Variants in STARD13 observed in about 807,000 individuals in gnomAD.
The protein encoded by STARD13 is StAR related lipid transfer domain containing 13, also known as stAR-related lipid transfer protein 13.
STARD13 carries 62 observed loss-of-function variants against 106.4 expected under a neutral mutation model. That is an observed-to-expected ratio of 0.58 (90% confidence interval 0.48 to 0.72). STARD13 has a LOEUF of 0.72. Ranked by LOEUF, STARD13 falls within the 30% of genes least tolerant of loss-of-function variation. STARD13 has a pLI of 0.00. For synonymous variants in STARD13, 565 were observed against 553.0 expected (o/e 1.02, Z -0.31); for missense variants, 1,387 against 1,424.0 (o/e 0.97, Z 0.42).
At chr13:33,212,005 T>C (rs748415278) in intron 1 of STARD13, among the ~76,000 whole-genome samples, 15 of 152,220 alleles carry the variant, frequency 9.9e-5, no homozygotes, top group Non-Finnish European at 2.1e-4. Flanking sequence ...ACTCTGTTCA[T>C]TGGACAATAT....
At chr13:33,302,378 C>G (rs1892754425) in intron 1 of STARD13, among the ~76,000 whole-genome samples, 1 of 152,152 alleles carries the variant, frequency 6.6e-6, no homozygotes, top group Admixed American at 6.5e-5. Context: ...ATACATATAT[C>G]TCACCTAATT....
intron 1 of STARD13, among the ~76,000 whole-genome samples, chr13:33,311,490 T>G (rs1893136409): frequency 6.6e-6 from 1 of 152,224 alleles, no homozygotes; most frequent in Non-Finnish European, 1.5e-5. Flanking sequence ...GCTGTGCTCT[T>G]GGGAAGCCTA....
intron 6 of STARD13, among the ~76,000 whole-genome samples, chr13:33,126,613 T>C (rs2138147556): frequency 6.6e-6 from 1 of 152,142 alleles, no homozygotes; most frequent in East Asian, 1.9e-4. Flanking sequence ...CTGGCTGGGG[T>C]TGGAGGAAAA....
rs147233343 is a variant in STARD13 at position 33,169,487 on chromosome 13, C to T, written c.170-1865G>A. Among the ~76,000 whole-genome samples the T allele has an allele frequency of 2.0e-3, 312 of 152,308 alleles. 2 individuals carry two copies. The highest frequency in any genetic ancestry group is 6.5e-3 in the African/African-American group (269 of 41,566). On this transcript the variant is annotated intron_variant, in intron 1 of 13. Transcript: ENST00000336934. ...TAATAGATTTTCAAGCTCAGATTTG[C>T]TTCCCGCTCCCATATAATACAGCGG...
the STARD13 span, among the ~76,000 whole-genome samples, chr13:33,399,368 A>G: frequency 6.6e-6 from 1 of 151,998 alleles, no homozygotes; most frequent in East Asian, 1.9e-4. Context: ...AAGGGTACAA[A>G]CTTTTTTAAA....
chr13:33,628,188 CA>C, the STARD13 span, among the ~76,000 whole-genome samples: 3,661 of 141,614 alleles, frequency 0.026, 64 homozygotes, highest in African/African-American at 0.049. Flanking sequence ...CACACACACA[CA>C]CACCACATGC....
chr13:33,117,563 G>T, intron 8 of STARD13: 1 of 941,056 alleles, frequency 1.1e-6, no homozygotes, highest in Non-Finnish European at 1.3e-6. Context: ...ATATAAATAA[G>T]TTTATTTAAG....
At chr13:33,441,390 A>T in the STARD13 span, among the ~76,000 whole-genome samples, 3 of 152,272 alleles carry the variant, frequency 2.0e-5, no homozygotes, top group African/African-American at 7.2e-5. Flanking sequence ...ATTCCTCATT[A>T]CTCTAAGAAT....
At chr13:33,472,886 C>A in the STARD13 span, among the ~76,000 whole-genome samples, 1 of 152,030 alleles carries the variant, frequency 6.6e-6, no homozygotes, top group Non-Finnish European at 1.5e-5. Context: ...ATATCTTTGG[C>A]TCCTTCCTGA....
chr13:33,206,366 AACAC>A (rs59306930), intron 1 of STARD13, among the ~76,000 whole-genome samples: 46,873 of 149,412 alleles, frequency 0.31, 7,498 homozygotes, highest in Middle Eastern at 0.42. Flanking sequence ...CCATGACTGA[AACAC>A]ACACACACAC....
At chr13:33,669,064 CA>C in the STARD13 span, among the ~76,000 whole-genome samples, 1 of 152,140 alleles carries the variant, frequency 6.6e-6, no homozygotes, top group Admixed American at 6.6e-5. Flanking sequence ...TCCTGGATCA[CA>C]ATGTAAACTT....
At chr13:33,531,139 C>CA in the STARD13 span, among the ~76,000 whole-genome samples, 4 of 152,276 alleles carry the variant, frequency 2.6e-5, no homozygotes, top group South Asian at 8.3e-4. Flanking sequence ...AGTTTCCCTG[C>CA]ACAAGCTCTC....
chr13:33,543,894 A>G, the STARD13 span, among the ~76,000 whole-genome samples: 249 of 152,370 alleles, frequency 1.6e-3, 3 homozygotes, highest in Non-Finnish European at 2.6e-4. Context: ...ACTAAAATAT[A>G]CTGGTGATAC....
the STARD13 span, among the ~76,000 whole-genome samples, chr13:33,603,810 C>T: frequency 6.6e-6 from 1 of 152,122 alleles, no homozygotes; most frequent in South Asian, 2.1e-4. Flanking sequence ...CCTGTGTGTG[C>T]TGTGTGATCC....
the STARD13 span, among the ~76,000 whole-genome samples, chr13:33,362,039 T>C: frequency 6.6e-6 from 1 of 152,256 alleles, no homozygotes; most frequent in African/African-American, 2.4e-5. Flanking sequence ...AAAATAAAAA[T>C]GTCTGATATT....
chr13:33,127,974 G>C (rs1298650997), intron 5 of STARD13, among the ~76,000 whole-genome samples: 1 of 149,930 alleles, frequency 6.7e-6, no homozygotes, highest in Non-Finnish European at 1.5e-5. Flanking sequence ...GAAGCAGAGA[G>C]AGCAGAGAGA....
the STARD13 span, among the ~76,000 whole-genome samples, chr13:33,496,087 T>C: frequency 1.4e-5 from 2 of 142,414 alleles, no homozygotes; most frequent in Non-Finnish European, 3.0e-5. Context: ...TATATAATTA[T>C]ATTAACTAAA....
chr13:33,669,451 T>C, the STARD13 span, among the ~76,000 whole-genome samples: 7 of 152,012 alleles, frequency 4.6e-5, no homozygotes, highest in Admixed American at 4.6e-4. Flanking sequence ...CAGTGGTCCT[T>C]TGGGACTTCC....
chr13:33,120,460 T>A (rs1255351531), intron 7 of STARD13, among the ~76,000 whole-genome samples: 1 of 152,186 alleles, frequency 6.6e-6, no homozygotes, highest in African/African-American at 2.4e-5. Flanking sequence ...CTGACTGAGA[T>A]CTTAGGATGT....
Sources: allele counts gnomAD v4.1 joint callset (sites outside exome capture counted in the v4.1 genomes callset), GRCh38; gene constraint gnomAD v4.1.1; transcripts MANE v1.5; gene names NCBI Gene and HGNC (gene_info 2026-07-23, HGNC 2026-07-21).